The following PLK1 variants were observed in gnomAD, a reference collection of about 807,000 sequenced individuals.
PLK1 encodes the protein polo like kinase 1.
A neutral mutation model predicts 56.7 loss-of-function variants in PLK1; 6 were observed. The observed-to-expected ratio is 0.11, with a 90% CI of 0.06 to 0.21. The LOEUF is 0.21. Ranked by LOEUF, PLK1 falls within the 10% of genes least tolerant of loss-of-function variation. The probability of loss-of-function intolerance (pLI) is 1.00; values close to 1 mark genes in which losing one functional copy is unlikely to be tolerated. For synonymous variants in PLK1, 298 were observed against 325.0 expected, an observed-to-expected ratio of 0.92 and a Z score of 0.89; for missense variants, 546 against 814.4, an observed-to-expected ratio of 0.67 and a Z score of 4.01.
Position 23,680,116 on chromosome 16 carries a change from C to A in PLK1, c.441C>A (p.Ala147=). The part of the protein sequence containing the change: ...SLLELHKRRK[A]LTEPEARYYL... ...TGGAGCTGCACAAGAGGAGGAAAGCCCTGACTGAGCCTGAGGCCCGATACT... is the reference window on the plus strand; with the variant it reads ...TGGAGCTGCACAAGAGGAGGAAAGCACTGACTGAGCCTGAGGCCCGATACT... The change falls in exon 2 of 10, where the codon GCC becomes GCA. Residue 147 remains alanine (A), a synonymous_variant. Coordinates refer to ENST00000300093, the MANE Select transcript of PLK1 (RefSeq NM_005030.6). The A allele has an allele frequency of 6.2e-7, 1 of 1,614,076 alleles. No individual in the cohort carries two copies. Among genetic ancestry groups the A allele is most frequent in the African/African-American group, 1.3e-5 (1 of 75,004 alleles).
In PLK1 at chr16:23,689,562, G is replaced by A. The variant is rs750381396; in HGVS notation, c.1494G>A (p.Thr498=). The change falls in exon 9 of 10, where the codon ACG becomes ACA. Residue 498 remains threonine (T), a synonymous_variant. Coordinates refer to ENST00000300093, the MANE Select transcript of PLK1 (RefSeq NM_005030.6). This position sits in a 1 kb window ranked among gnomAD's most constrained non-coding sequence, Gnocchi z 4.8. ...EHLLKAGANI[T]PREGDELARL... Reference sequence around the variant, plus strand: ...TGCTGAAGGCAGGTGCCAACATCACGCCGCGCGAAGGTGATGAGCTCGCCC... The same window carrying A: ...TGCTGAAGGCAGGTGCCAACATCACACCGCGCGAAGGTGATGAGCTCGCCC... 6.2e-6 allele frequency: 10 copies of A among 1,613,544 alleles called. No individual in the cohort carries two copies. Among genetic ancestry groups the A allele is most frequent in the African/African-American group, 1.3e-5 (1 of 74,912 alleles).
chr16:23,682,706 ATTTTTAGTAGAGACGGGGTTTCACCATGT>A (rs1959354611), intron 4 of PLK1, among the ~76,000 whole-genome samples: 1 of 80,950 alleles, frequency 1.2e-5, no homozygotes, highest in Non-Finnish European at 2.9e-5. Context: ...TTTTTTTTGT[ATTTTTAGTAGAGACGGGGTTTCACCATGT>A]TGGCCAGGCT....
intron 4 of PLK1, among the ~76,000 whole-genome samples, chr16:23,683,327 A>G (rs749200464): frequency 1.3e-5 from 2 of 152,146 alleles, no homozygotes; most frequent in Non-Finnish European, 2.9e-5. Context: ...ACAGAAATAC[A>G]TTTAAAGGAA....
At chr16:23,681,937 T>G in intron 3 of PLK1, 127 bp from the exon 4 acceptor site, 1 of 640,650 alleles carries the variant, frequency 1.6e-6, no homozygotes, top group South Asian at 1.9e-5. Flanking sequence ...GGGATTGTCT[T>G]CAGGGGCCCC....
intron 3 of PLK1, among the ~76,000 whole-genome samples, 183 bp downstream of exon 3, chr16:23,681,241 C>T (rs904561304): frequency 6.6e-6 from 1 of 152,154 alleles, no homozygotes; most frequent in African/African-American, 2.4e-5. Context: ...TGTATCCTGT[C>T]GGATTTCTGC....
Position 23,687,626 on chromosome 16 carries a change from T to TGG in PLK1, c.1192+4_1192+5dup. Reference sequence around the variant, plus strand: ...CGGAGCGTGGGCTGGTCAGGCAAGGTGGGTACTGCGGGGCCCTGGGCGGGG... The same window carrying TGG: ...CGGAGCGTGGGCTGGTCAGGCAAGGTGGGGGTACTGCGGGGCCCTGGGCGGGG... On this transcript the variant is annotated splice_region_variant and intron_variant, in intron 6 of 9. Coordinates refer to ENST00000300093, the MANE Select transcript of PLK1 (RefSeq NM_005030.6). The TGG allele has an allele frequency of 6.4e-7, 1 of 1,565,648 alleles. No homozygotes were observed. Among genetic ancestry groups the TGG allele is most frequent in the South Asian group, 1.2e-5 (1 of 86,310 alleles).
intron 5 of PLK1, chr16:23,687,002 G>T (rs1045361596): frequency 2.0e-5 from 3 of 152,284 alleles, no homozygotes; most frequent in African/African-American, 7.2e-5. Context: ...AAAATTTCAT[G>T]TTATCTTTTC....
chr16:23,679,307 C>A lies in PLK1; in HGVS notation c.375C>A (p.Phe125Leu), dbSNP rs1387078647. The change falls in exon 1 of 10, where the codon TTC (phenylalanine) becomes TTA (leucine). Residue 125 changes from phenylalanine to leucine, a missense_variant. This residue lies in a region of PLK1 where 111 missense variants were observed against 211.8 expected (regional missense o/e 0.52). Coordinates refer to ENST00000300093, the MANE Select transcript of PLK1 (RefSeq NM_005030.6). The stretch of plus-strand genomic sequence containing the variant: ...ACGGCTTTTTCGAGGACAACGACTT[C>A]GTGTTCGTGGTGTTGGAGCTCTGCC... ...GFHGFFEDNDFVFVVLELCRR... is the reference protein window; with the variant it reads ...GFHGFFEDNDLVFVVLELCRR... 1 of 1,613,596 alleles carries A rather than the reference C, an allele frequency of 6.2e-7. No individual in the cohort carries two copies. Among genetic ancestry groups the A allele is most frequent in the African/African-American group, 1.3e-5 (1 of 75,014 alleles).
In PLK1 at chr16:23,689,317, C is replaced by G; in HGVS notation, c.1350C>G (p.Ser450Arg). The part of the protein sequence containing the change: ...TRLILYNDGD[S>R]LQYIERDGTE... ...TCATCCTCTACAATGATGGTGACAG[C>G]CTGCAGTACATAGAGCGTGACGGCA... The change falls in exon 8 of 10, where the codon AGC (serine) becomes AGG (arginine). Residue 450 changes from serine to arginine, a missense_variant. By Grantham distance (110) the Ser-to-Arg change is moderately radical. Around this residue, in one of 7 missense-constraint regions of PLK1, gnomAD observed 113 missense variants for 202.0 expected, o/e 0.56. Coordinates refer to ENST00000300093, the MANE Select transcript of PLK1 (RefSeq NM_005030.6). The surrounding 1 kb of genome is among the most constrained non-coding windows in gnomAD (Gnocchi z 4.8). 1 of 1,613,948 alleles carries G rather than the reference C, an allele frequency of 6.2e-7. No individual in the cohort carries two copies. The highest frequency in any genetic ancestry group is 8.5e-7 in the Non-Finnish European group (1 of 1,179,810).
chr16:23,688,886 T>C, intron 7 of PLK1, 141 bp downstream of exon 7: 1 of 670,826 alleles, frequency 1.5e-6, no homozygotes. Context: ...CAGTTCCAGC[T>C]CCCAGTGCTC....
Position 23,689,561 on chromosome 16 carries a change from C to A in PLK1, c.1493C>A (p.Thr498Lys), listed in dbSNP as rs150875727. The A allele has an allele frequency of 1.7e-5, 28 of 1,613,608 alleles. No homozygotes were observed. In the Admixed American group the frequency reaches 4.2e-4, roughly 24 times the overall value. ...TTGCTGAAGGCAGGTGCCAACATCA[C>A]GCCGCGCGAAGGTGATGAGCTCGCC... ...EHLLKAGANI[T>K]PREGDELARL... is the part of the protein sequence containing the mutation. The change falls in exon 9 of 10, where the codon ACG becomes AAG. Residue 498 changes from threonine to lysine, a missense_variant. Physicochemically the swap from Thr to Lys is moderately conservative, Grantham distance 78. Around this residue, in one of 7 missense-constraint regions of PLK1, gnomAD observed 113 missense variants for 202.0 expected, o/e 0.56. Coordinates refer to ENST00000300093, the MANE Select transcript of PLK1 (RefSeq NM_005030.6). The surrounding 1 kb of genome is among the most constrained non-coding windows in gnomAD (Gnocchi z 4.8).
rs778490798 is a variant in PLK1 at position 23,689,709 on chromosome 16, C to T, written c.1608+33C>T. ...GGAGGTCACCAGGCGCAGGAGAGAG[C>T]TGGGGTAGGCTCCGCATGCCTGGCA... On this transcript the variant is annotated intron_variant, in intron 9 of 9. Coordinates refer to ENST00000300093, the MANE Select transcript of PLK1 (RefSeq NM_005030.6). This position sits in a 1 kb window ranked among gnomAD's most constrained non-coding sequence, Gnocchi z 4.8. 6.3e-7 allele frequency: 1 copy of T among 1,577,752 alleles called. No homozygotes were observed. The highest frequency in any genetic ancestry group is 8.6e-7 in the Non-Finnish European group (1 of 1,159,900).
At chr16:23,682,889 G>C (rs1959357739) in intron 4 of PLK1, among the ~76,000 whole-genome samples, 1 of 151,554 alleles carries the variant, frequency 6.6e-6, no homozygotes, top group African/African-American at 2.4e-5. Context: ...CTGCCTTGGA[G>C]CACCTCACAG....
intron 4 of PLK1, 26 bp from the exon 5 acceptor site, chr16:23,683,844 T>A: frequency 6.3e-7 from 1 of 1,584,964 alleles, no homozygotes. Flanking sequence ...ACATTCTGCT[T>A]ATGGCTGTCC....
At chr16:23,683,236 C>T (rs1233015625) in intron 4 of PLK1, among the ~76,000 whole-genome samples, 1 of 152,022 alleles carries the variant, frequency 6.6e-6, no homozygotes, top group African/African-American at 2.4e-5. Context: ...TTGTGATCCA[C>T]CTGCTTCGGA....
At position 23,679,136 on chromosome 16, in the gene PLK1, C is replaced by CGA. The variant is rs758117963; in HGVS notation, c.207_208dup (p.Ile70ArgfsTer46). 1 of 1,612,750 alleles carries CGA rather than the reference C, an allele frequency of 6.2e-7. No individual in the cohort carries two copies. Among genetic ancestry groups the CGA allele is most frequent in the South Asian group, 1.1e-5 (1 of 91,052 alleles). ...GCAAGGGCGGCTTTGCCAAGTGCTT[C>CGA]GAGATCTCGGACGCGGACACCAAGG... On this transcript the variant is annotated frameshift_variant, in exon 1 of 10. Coordinates refer to ENST00000300093, the MANE Select transcript of PLK1 (RefSeq NM_005030.6). LOFTEE classifies it high-confidence loss of function.
At position 23,679,313 on chromosome 16, in the gene PLK1, C is replaced by T. The variant is rs1333863779; in HGVS notation, c.381C>T (p.Phe127=). The part of the protein sequence containing the change: ...HGFFEDNDFV[F]VVLELCRRRS... ...TTTTCGAGGACAACGACTTCGTGTT[C>T]GTGGTGTTGGAGCTCTGCCGCCGGA... The change falls in exon 1 of 10, where the codon TTC becomes TTT. Residue 127 remains phenylalanine, a synonymous_variant. Transcript: ENST00000300093. The T allele has an allele frequency of 1.9e-6, 3 of 1,613,216 alleles. No individual in the cohort carries two copies.
chr16:23,688,878 G>A, intron 7 of PLK1, 133 bp downstream of exon 7: 1 of 701,034 alleles, frequency 1.4e-6, no homozygotes, highest in Non-Finnish European at 2.6e-6. Flanking sequence ...AGGCCTCCCA[G>A]TTCCAGCTCC....
chr16:23,684,309 A>G (rs1484561820), intron 5 of PLK1, among the ~76,000 whole-genome samples: 1 of 152,234 alleles, frequency 6.6e-6, no homozygotes, highest in African/African-American at 2.4e-5. Context: ...GAAGAAGAAA[A>G]TGGATTGAAT....
Sources: allele counts gnomAD v4.1 joint callset (sites outside exome capture counted in the v4.1 genomes callset), GRCh38; gene constraint gnomAD v4.1.1; regional missense constraint gnomAD v4.1.1; non-coding constraint Gnocchi (gnomAD v3.1); transcripts MANE v1.5; gene names NCBI Gene and HGNC (gene_info 2026-07-23, HGNC 2026-07-21).